ARHGEF10L: variants seen among roughly 807,000 people sequenced by gnomAD.
ARHGEF10L encodes the protein Rho guanine nucleotide exchange factor 10 like, also known as rho guanine nucleotide exchange factor 10-like protein.
ARHGEF10L carries 69 observed loss-of-function variants against 141.2 expected under a neutral mutation model. The ratio of observed to expected loss-of-function variants is 0.49; its 90% confidence interval spans 0.40 to 0.60. ARHGEF10L has a LOEUF of 0.60. ARHGEF10L is among the 20% of genes least tolerant of loss of function. The pLI, the probability that ARHGEF10L is intolerant of heterozygous loss-of-function variation, is 0.00. For synonymous variants in ARHGEF10L, 711 were observed against 718.5 expected (o/e 0.99, Z 0.17); for missense variants, 1,482 against 1,734.3 (o/e 0.85, Z 2.58).
At chr1:17,525,087 C>T in the ARHGEF10L span, among the ~76,000 whole-genome samples, 1 of 152,180 alleles carries the variant, frequency 6.6e-6, no homozygotes, top group Non-Finnish European at 1.5e-5. Context: ...CCGGACCACA[C>T]TGTGACCTGC....
intron 9 of ARHGEF10L, 91 bp downstream of exon 9, chr1:17,616,293 G>A: frequency 9.0e-7 from 1 of 1,116,930 alleles, no homozygotes. Flanking sequence ...CAGAGGTCAT[G>A]CTGGGTGGGT....
intron 9 of ARHGEF10L, chr1:17,618,470 C>G (rs2101323940): frequency 6.8e-7 from 1 of 1,472,246 alleles, no homozygotes; most frequent in East Asian, 2.8e-5. Context: ...ACCCCCACCC[C>G]CACGCCGTCA....
At chr1:17,632,025 AGAGGG>A (rs748192487) in intron 15 of ARHGEF10L, among the ~76,000 whole-genome samples, 43 of 152,164 alleles carry the variant, frequency 2.8e-4, no homozygotes, top group Non-Finnish European at 4.7e-4. Flanking sequence ...ATCCCTACAG[AGAGGG>A]GCTGGCAATG....
At position 17,607,427 on chromosome 1, in the gene ARHGEF10L, A is replaced by G. The variant is rs1338347897; in HGVS notation, c.434-375A>G. ...GAGTTTGAGGCCACAGTGAGCTATG[A>G]TTGTACCACTGCACTCCAGCCTGGG... On this transcript the variant is annotated intron_variant, in intron 6 of 28. Transcript: ENST00000361221. The surrounding 1 kb of genome is among the most constrained non-coding windows in gnomAD (Gnocchi z 4.5). 6.6e-6 allele frequency among the ~76,000 whole-genome samples: 1 copy of G among 152,162 alleles called. No homozygotes were observed. The highest frequency in any genetic ancestry group is 2.4e-5 in the African/African-American group (1 of 41,430).
chr1:17,588,459 A>G lies in ARHGEF10L; in HGVS notation c.237A>G (p.Ala79=). ...CTTCTTTTGCAGACCCAGACCCAGC[A>G]GCTGCTCCACCCGGCACAGGGTAAG... ...DSIPVTDPDP[A]AAPPGTGVPA... Residue 79 remains alanine, a synonymous_variant, in exon 4 of 29, where the codon GCA becomes GCG. Coordinates refer to ENST00000361221, the MANE Select transcript of ARHGEF10L (RefSeq NM_018125.4). 1 of 1,613,990 alleles carries G rather than the reference A, an allele frequency of 6.2e-7. No individual in the cohort carries two copies. Among genetic ancestry groups the G allele is most frequent in the Non-Finnish European group, 8.5e-7 (1 of 1,179,950 alleles).
At chr1:17,631,710 A>C (rs1463843496) in intron 15 of ARHGEF10L, among the ~76,000 whole-genome samples, 1 of 152,238 alleles carries the variant, frequency 6.6e-6, no homozygotes, top group East Asian at 1.9e-4. Context: ...TGGTGCCCAG[A>C]AGGGCCCCAT....
intron 28 of ARHGEF10L, 127 bp from the exon 29 acceptor site, chr1:17,696,721 T>G: frequency 1.0e-6 from 1 of 975,710 alleles, no homozygotes; most frequent in Non-Finnish European, 1.4e-6. Context: ...TCGGGGGAGG[T>G]GCCAACATAG....
intron 4 of ARHGEF10L, among the ~76,000 whole-genome samples, chr1:17,593,492 A>T (rs2079778105): frequency 6.6e-6 from 1 of 152,094 alleles, no homozygotes; most frequent in Non-Finnish European, 1.5e-5. Flanking sequence ...TTGTGACAAG[A>T]GGGAGACAGG....
rs2065592480 is a variant in ARHGEF10L at position 17,697,437 on chromosome 1, G to T, written c.*57G>T. ...GCAGGCCTGACCAAGGCCACGCCCG[G>T]CTCTCGTGCTCTAGGACCTGCACGG... On this transcript the variant is annotated 3_prime_UTR_variant, in exon 29 of 29. Coordinates refer to ENST00000361221, the MANE Select transcript of ARHGEF10L (RefSeq NM_018125.4). This position sits in a 1 kb window ranked among gnomAD's most constrained non-coding sequence, Gnocchi z 4.8. 7 of 1,526,278 alleles carry T rather than the reference G, an allele frequency of 4.6e-6. No individual in the cohort carries two copies. Among genetic ancestry groups the T allele is most frequent in the Non-Finnish European group, 8.8e-7 (1 of 1,134,884 alleles). 94.5% of individuals were successfully genotyped at this position (1,526,278 alleles called of 1,614,324 possible). A position where few individuals can be genotyped will look rare whatever the true frequency, so the allele number is the denominator to read the frequency against.
intron 1 of ARHGEF10L, among the ~76,000 whole-genome samples, chr1:17,546,845 C>T (rs376620874): frequency 9.8e-5 from 15 of 152,320 alleles, no homozygotes; most frequent in African/African-American, 2.9e-4. Context: ...ACTAATGGCT[C>T]ATAATTGCAG....
chr1:17,514,383 G>C, the ARHGEF10L span, among the ~76,000 whole-genome samples: 1 of 151,970 alleles, frequency 6.6e-6, no homozygotes, highest in Non-Finnish European at 1.5e-5. Context: ...TGATCCACCC[G>C]CCTCAGACTC....
At chr1:17,526,611 G>T in the ARHGEF10L span, among the ~76,000 whole-genome samples, 144,506 of 152,244 alleles carry the variant, frequency 0.95, 68,733 homozygotes, top group Middle Eastern at 0.98. Context: ...TTCTGACAAA[G>T]AGACAAGGCT....
chr1:17,526,501 G>T, the ARHGEF10L span, among the ~76,000 whole-genome samples: 1 of 152,192 alleles, frequency 6.6e-6, no homozygotes, highest in Non-Finnish European at 1.5e-5. Flanking sequence ...TGTTGAGAGG[G>T]TTATGAGTTA....
chr1:17,696,747 C>G, intron 28 of ARHGEF10L, 101 bp from the exon 29 acceptor site: 1 of 1,295,242 alleles, frequency 7.7e-7, no homozygotes, highest in Non-Finnish European at 1.0e-6. Context: ...AGTGACCCCC[C>G]CAAATACCCA....
chr1:17,691,989 C>T (rs2065142795), intron 27 of ARHGEF10L, among the ~76,000 whole-genome samples: 1 of 152,146 alleles, frequency 6.6e-6, no homozygotes, highest in Non-Finnish European at 1.5e-5. Flanking sequence ...AAACAAATAG[C>T]AAAATAAGGT....
At chr1:17,525,009 C>T in the ARHGEF10L span, among the ~76,000 whole-genome samples, 2 of 152,330 alleles carry the variant, frequency 1.3e-5, no homozygotes, top group African/African-American at 4.8e-5. Flanking sequence ...CCCCTTCCCC[C>T]ATCCTTCCTT....
At chr1:17,579,811 G>C (rs913291685) in intron 1 of ARHGEF10L, among the ~76,000 whole-genome samples, 1 of 152,166 alleles carries the variant, frequency 6.6e-6, no homozygotes, top group African/African-American at 2.4e-5. Flanking sequence ...AGTAGGGAGC[G>C]GGGGCAGGGT....
intron 7 of ARHGEF10L, 37 bp downstream of exon 7, chr1:17,608,014 G>T: frequency 2.2e-6 from 1 of 459,412 alleles, no homozygotes. Flanking sequence ...CTCAGTCAGG[G>T]CACGGAGACC....
chr1:17,648,459 C>T (rs1557926990), intron 21 of ARHGEF10L, 95 bp from the exon 22 acceptor site: 1 of 1,500,366 alleles, frequency 6.7e-7, no homozygotes, highest in Non-Finnish European at 9.1e-7. Flanking sequence ...GCTTCTGGGG[C>T]CTGCAGTGGC....
Sources: allele counts gnomAD v4.1 joint callset (sites outside exome capture counted in the v4.1 genomes callset), GRCh38; gene constraint gnomAD v4.1.1; non-coding constraint Gnocchi (gnomAD v3.1); transcripts MANE v1.5; gene names NCBI Gene and HGNC (gene_info 2026-07-23, HGNC 2026-07-21).